MEX3C: variants seen among roughly 807,000 people sequenced by gnomAD.
MEX3C encodes mex-3 RNA binding family member C, also known as RNA-binding E3 ubiquitin-protein ligase MEX3C.
In MEX3C, 15 loss-of-function variants were observed where a neutral mutation model predicts 35.5. That is an observed-to-expected ratio of 0.42 (90% CI 0.28 to 0.65). The LOEUF is 0.65. Among genes scored for constraint, MEX3C ranks in the 30% least tolerant of loss-of-function variants. MEX3C has a pLI of 0.20. For missense variants in MEX3C, 711 were observed against 842.8 expected (o/e 0.84, Z 1.94); for synonymous variants, 390 against 352.8 (o/e 1.11, Z -1.18).
intron 1 of MEX3C, among the ~76,000 whole-genome samples, chr18:51,191,608 C>T (rs751839695): frequency 6.6e-6 from 1 of 152,072 alleles, no homozygotes; most frequent in Non-Finnish European, 1.5e-5. Context: ...AAACTATCTG[C>T]TAAAGCCAAA....
chr18:51,196,637 C>G lies in MEX3C; in HGVS notation c.684G>C (p.Lys228Asn), dbSNP rs748375694. ...NGEQAALLRR[K>N]SVNTTECVPV... ...GGACGCACTCGGTGGTGTTGACGCT[C>G]TTTCTCCGGAGCAGGGCCGCCTGCT... The change falls in exon 1 of 2, where the codon AAG becomes AAC. Residue 228 changes from lysine to asparagine, a missense_variant. Physicochemically the swap from Lys to Asn is moderately conservative, Grantham distance 94. Transcript: ENST00000406189. 6.3e-7 allele frequency: 1 copy of G among 1,585,208 alleles called. No homozygotes were observed. The highest frequency in any genetic ancestry group is 1.1e-5 in the South Asian group (1 of 87,996).
At chr18:51,196,169 G>A in intron 1 of MEX3C, 1 of 271,700 alleles carries the variant, frequency 3.7e-6, no homozygotes, top group Admixed American at 5.1e-5. Context: ...AACGCTTTTA[G>A]AAGACACTCG....
rs993409050 is a variant in MEX3C, at chr18:51,192,294, A to G, written c.754+4273T>C. Among the ~76,000 whole-genome samples, 6 of 152,288 alleles carry G rather than the reference A, an allele frequency of 3.9e-5. 1 individual carries two copies. Among genetic ancestry groups the G allele is most frequent in the Admixed American group, 1.3e-4 (2 of 15,300 alleles). ...TGAATAAGGCAGGAAGAAAGGCAGTAGATTCCCCACCCATTTGCAAAAACA... is the reference window on the plus strand; with the variant it reads ...TGAATAAGGCAGGAAGAAAGGCAGTGGATTCCCCACCCATTTGCAAAAACA... On this transcript the variant is annotated intron_variant, in intron 1 of 1. Transcript: ENST00000406189.
Position 51,177,079 on chromosome 18 carries a change from C to T in MEX3C, c.1252G>A (p.Gly418Ser). The T allele has an allele frequency of 6.2e-7, 1 of 1,614,002 alleles. No individual in the cohort carries two copies. Among genetic ancestry groups the T allele is most frequent in the Non-Finnish European group, 8.5e-7 (1 of 1,179,882 alleles). The part of the protein sequence containing the change: ...HYNGTDVSFE[G>S]GTLGSAWLSS... ...AGCCACGCAGAGCCAAGAGTGCCAC[C>T]TTCAAAGCTTACATCGGTACCATTG... The change falls in exon 2 of 2, where the codon GGT becomes AGT. Residue 418 changes from glycine (G) to serine (S), a missense_variant. Around this residue, in one of 4 missense-constraint regions of MEX3C, gnomAD observed 187 missense variants for 201.7 expected, o/e 0.93. Transcript: ENST00000406189. This position sits in a 1 kb window ranked among gnomAD's most constrained non-coding sequence, Gnocchi z 4.2.
chr18:51,181,141 T>G (rs1599251588), intron 1 of MEX3C, among the ~76,000 whole-genome samples: 1 of 152,208 alleles, frequency 6.6e-6, no homozygotes, highest in South Asian at 2.1e-4. Flanking sequence ...ATAATAGAAT[T>G]TATAATCTCA....
chr18:51,197,028 G>T lies in MEX3C; in HGVS notation c.293C>A (p.Pro98His), dbSNP rs2144563412. The part of the protein sequence containing the change: ...SPEERAPPGR[P>H]GAPEAAELEL... ...CAGCTCGGCCGCCTCCGGGGCCCCG[G>T]GCCGGCCGGGCGGAGCCCGCTCCTC... Residue 98 changes from proline (P) to histidine (H), a missense_variant, in exon 1 of 2, where the codon CCC becomes CAC. By Grantham distance (77) the Pro-to-His change is moderately conservative (BLOSUM62 -2). Coordinates refer to ENST00000406189, the MANE Select transcript of MEX3C (RefSeq NM_016626.5). The T allele has an allele frequency of 6.6e-7, 1 of 1,518,172 alleles. No individual in the cohort carries two copies. The highest frequency in any genetic ancestry group is 1.4e-5 in the African/African-American group (1 of 69,738). The allele number at this position is 1,518,172 out of a possible 1,614,324, so 94.0% of individuals were successfully genotyped here.
Position 51,177,186 on chromosome 18 carries a change from C to T in MEX3C, c.1145G>A (p.Arg382Gln). 1.9e-6 allele frequency: 3 copies of T among 1,613,688 alleles called. No homozygotes were observed. The highest frequency in any genetic ancestry group is 1.1e-5 in the South Asian group (1 of 91,076). ...EVTGMPENVD[R>Q]AREEIEMHIA... ...ATGCATTTCTATTTCTTCCCGTGCT[C>T]GGTCAACATTTTCAGGCATCCCTGT... is the stretch of plus-strand genomic sequence containing the variant. The change falls in exon 2 of 2, where the codon CGA (arginine) becomes CAA (glutamine). Residue 382 changes from arginine (R) to glutamine (Q), a missense_variant. Coordinates refer to ENST00000406189, the MANE Select transcript of MEX3C (RefSeq NM_016626.5). This position sits in a 1 kb window ranked among gnomAD's most constrained non-coding sequence, Gnocchi z 4.2.
intron 1 of MEX3C, among the ~76,000 whole-genome samples, chr18:51,190,872 A>C (rs1912636552): frequency 6.6e-6 from 1 of 152,184 alleles, no homozygotes; most frequent in Non-Finnish European, 1.5e-5. Context: ...CATGGGGAAA[A>C]TGTTAAAAGT....
intron 1 of MEX3C, among the ~76,000 whole-genome samples, chr18:51,178,293 C>T (rs560785914): frequency 1.3e-5 from 2 of 151,904 alleles, no homozygotes; most frequent in South Asian, 4.2e-4. Flanking sequence ...GCCATGACCC[C>T]AAATCCTAAG....
chr18:51,187,025 G>C (rs576017511), intron 1 of MEX3C, among the ~76,000 whole-genome samples: 1 of 152,238 alleles, frequency 6.6e-6, no homozygotes, highest in South Asian at 2.1e-4. Flanking sequence ...TAAACATCTT[G>C]AGTAGCTCTT....
intron 1 of MEX3C, among the ~76,000 whole-genome samples, chr18:51,179,879 C>T (rs149460102): frequency 3.3e-5 from 5 of 152,138 alleles, no homozygotes; most frequent in African/African-American, 1.2e-4. Context: ...AGGGGAGTTA[C>T]TATTTGGATA....
chr18:51,177,035 A>T lies in MEX3C; in HGVS notation c.1296T>A (p.Pro432=), dbSNP rs1244468384. 6.2e-7 allele frequency: 1 copy of T among 1,613,922 alleles called. No homozygotes were observed. The highest frequency in any genetic ancestry group is 8.5e-7 in the Non-Finnish European group (1 of 1,179,914). Residue 432 remains proline (P), a synonymous_variant, in exon 2 of 2, where the codon CCT becomes CCA. Transcript: ENST00000406189. This position sits in a 1 kb window ranked among gnomAD's most constrained non-coding sequence, Gnocchi z 4.2. ...TGGATATCATTCTTGCGCGGCTAGG[A>T]GGAACAGGATTGGAGGAGAGCCACG... The part of the protein sequence containing the change: ...GSAWLSSNPV[P]PSRARMISNY...
chr18:51,188,699 G>A (rs867598932), intron 1 of MEX3C, among the ~76,000 whole-genome samples: 49 of 151,992 alleles, frequency 3.2e-4, no homozygotes, highest in Middle Eastern at 3.4e-3. Flanking sequence ...ACAATAAAAT[G>A]GCAAGTTTAT....
chr18:51,176,304 C>T lies in MEX3C; in HGVS notation c.*47G>A. ...CTGGGGGGTACCATTATACCCATGC[C>T]TTTACGAGTCCATATAGAGATATAG... is the stretch of plus-strand genomic sequence containing the variant. On this transcript the variant is annotated 3_prime_UTR_variant, in exon 2 of 2. Coordinates refer to ENST00000406189, the MANE Select transcript of MEX3C (RefSeq NM_016626.5). 6.7e-7 allele frequency: 1 copy of T among 1,495,042 alleles called. No homozygotes were observed. The highest frequency in any genetic ancestry group is 9.0e-7 in the Non-Finnish European group (1 of 1,112,716). 92.6% of individuals were successfully genotyped at this position (1,495,042 alleles called of 1,614,324 possible).
rs1259266959 is a variant in MEX3C, at chr18:51,196,822, G to A, written c.499C>T (p.Leu167=). 1.3e-6 allele frequency: 2 copies of A among 1,534,050 alleles called. No individual in the cohort carries two copies. Among genetic ancestry groups the A allele is most frequent in the Non-Finnish European group, 1.7e-6 (2 of 1,144,700 alleles). ...IPGGSLGSVL[L]PAARFDAREA... ...CGGGCATCGAACCTGGCGGCTGGCA[G>A]CAGCACAGACCCCAGGGACCCGCCC... Residue 167 remains leucine, a synonymous_variant, in exon 1 of 2, where the codon CTG becomes TTG. Coordinates refer to ENST00000406189, the MANE Select transcript of MEX3C (RefSeq NM_016626.5).
Position 51,177,650 on chromosome 18 carries a change from C to T in MEX3C, c.755-74G>A, listed in dbSNP as rs954910881. Reference sequence around the variant, plus strand: ...ATATATAAAGACAAATCACAGAATGCACCTTTTAAGCTAAATATCTGGTTA... The same window carrying T: ...ATATATAAAGACAAATCACAGAATGTACCTTTTAAGCTAAATATCTGGTTA... On this transcript the variant is annotated intron_variant, in intron 1 of 1. Coordinates refer to ENST00000406189, the MANE Select transcript of MEX3C (RefSeq NM_016626.5). This position sits in a 1 kb window ranked among gnomAD's most constrained non-coding sequence, Gnocchi z 4.2. The T allele has an allele frequency of 2.9e-5, 42 of 1,459,534 alleles. No homozygotes were observed. The Admixed American group carries it at 6.2e-4, about 22-fold the overall frequency. 90.4% of individuals were successfully genotyped at this position (1,459,534 alleles called of 1,614,324 possible).
At position 51,197,234 on chromosome 18, in the gene MEX3C, C is replaced by A. The variant is rs189717669; in HGVS notation, c.87G>T (p.Pro29=). The change falls in exon 1 of 2, where the codon CCG becomes CCT. Residue 29 remains proline, a synonymous_variant. Transcript: ENST00000406189. Reference sequence around the variant, plus strand: ...CGCCCGAGGGCGGCGGCAGAGGCGGCGGTGGCGGCGGCGGCGGCGGGGGCG... The same window carrying A: ...CGCCCGAGGGCGGCGGCAGAGGCGGAGGTGGCGGCGGCGGCGGCGGGGGCG... ...PQPPPPPPPP[P]PPLPPPSGGP... 353 of 987,818 alleles carry A rather than the reference C, an allele frequency of 3.6e-4. 4 individuals carry two copies. The East Asian group carries it at 0.032, about 89-fold the overall frequency. The allele number at this position is 987,818 out of a possible 1,614,324, so 61.2% of individuals were successfully genotyped here. A position where few individuals can be genotyped will look rare whatever the true frequency, so the allele number is the denominator to read the frequency against.
chr18:51,185,887 C>CT (rs1480232783), intron 1 of MEX3C, among the ~76,000 whole-genome samples: 1 of 151,536 alleles, frequency 6.6e-6, no homozygotes, highest in Non-Finnish European at 1.5e-5. Context: ...TAGTGAGACC[C>CT]CCCCCTCTCT....
intron 1 of MEX3C, among the ~76,000 whole-genome samples, chr18:51,190,689 A>ATTTT (rs1912632548): frequency 8.8e-6 from 1 of 113,940 alleles, no homozygotes; most frequent in African/African-American, 2.9e-5. Flanking sequence ...TGTAACTTAA[A>ATTTT]ATTCTCAAAG....
Sources: allele counts gnomAD v4.1 joint callset (sites outside exome capture counted in the v4.1 genomes callset), GRCh38; gene constraint gnomAD v4.1.1; regional missense constraint gnomAD v4.1.1; non-coding constraint Gnocchi (gnomAD v3.1); transcripts MANE v1.5; gene names NCBI Gene and HGNC (gene_info 2026-07-23, HGNC 2026-07-21).